The following RANBP10 variants were observed in gnomAD, a reference collection of about 807,000 sequenced individuals.
The protein encoded by RANBP10 is ran-binding protein 10.
A neutral mutation model predicts 72.8 loss-of-function variants in RANBP10; 24 were observed. The ratio of observed to expected loss-of-function variants is 0.33; its 90% CI spans 0.24 to 0.46. The LOEUF (loss-of-function observed/expected upper bound fraction) is 0.46, where lower values mean the gene tolerates loss of function less well. Among genes scored for constraint, RANBP10 ranks in the 20% least tolerant of loss-of-function variants. RANBP10 has a pLI of 1.00. For missense variants in RANBP10, 679 were observed against 817.5 expected, an observed-to-expected ratio of 0.83 and a Z score of 2.07; for synonymous variants, 310 against 322.3, an observed-to-expected ratio of 0.96 and a Z score of 0.41.
chr16:67,802,690 C>T (rs1197920884), intron 2 of RANBP10, among the ~76,000 whole-genome samples: 1 of 152,148 alleles, frequency 6.6e-6, no homozygotes, highest in African/African-American at 2.4e-5. Flanking sequence ...GCTCAACAGC[C>T]ATGTTTACCA....
rs780987677 is a variant in RANBP10 at position 67,730,079 on chromosome 16, G to C, written c.890-33C>G. 1 of 1,592,774 alleles carries C rather than the reference G, an allele frequency of 6.3e-7. No homozygotes were observed. Among genetic ancestry groups the C allele is most frequent in the South Asian group, 1.1e-5 (1 of 90,712 alleles). ...GTGCAAGAACACAGCAGTGAGCGAG[G>C]GCTACAGGCCTCTCCCACAGCCACA... On this transcript the variant is annotated intron_variant, in intron 7 of 13. Transcript: ENST00000317506. The surrounding 1 kb of genome is among the most constrained non-coding windows in gnomAD (Gnocchi z 4.3).
Position 67,727,731 on chromosome 16 carries a change from AGGCCC to A in RANBP10, c.1620+15_1620+19del, listed in dbSNP as rs1567669841. ...CACCAAATGGGGCCTGCTCTGCATG[AGGCCC>A]GGCTCATCCTGTACCTGCAGCATCT... On this transcript the variant is annotated intron_variant, in intron 12 of 13. Transcript: ENST00000317506. 2.4e-5 allele frequency: 39 copies of A among 1,614,018 alleles called. No homozygotes were observed. Among genetic ancestry groups the A allele is most frequent in the Non-Finnish European group, 3.3e-5 (39 of 1,180,004 alleles).
At chr16:67,778,586 T>C (rs561924811) in intron 2 of RANBP10, among the ~76,000 whole-genome samples, 36 of 152,252 alleles carry the variant, frequency 2.4e-4, no homozygotes, top group Non-Finnish European at 5.0e-4. Flanking sequence ...AATGGTGATG[T>C]GCACCTGTAG....
chr16:67,784,088 T>C (rs1330212527), intron 2 of RANBP10, among the ~76,000 whole-genome samples: 2 of 148,022 alleles, frequency 1.4e-5, no homozygotes, highest in African/African-American at 5.0e-5. Flanking sequence ...AAGAAAGTTA[T>C]AGAGCAATAT....
intron 2 of RANBP10, among the ~76,000 whole-genome samples, chr16:67,785,646 TGAACCC>T: frequency 6.7e-6 from 1 of 149,342 alleles, no homozygotes; most frequent in South Asian, 2.1e-4. Context: ...GAGAATCACT[TGAACCC>T]GGGAGGCAAA....
At chr16:67,792,956 G>A (rs1194093591) in intron 2 of RANBP10, among the ~76,000 whole-genome samples, 1 of 151,866 alleles carries the variant, frequency 6.6e-6, no homozygotes, top group Non-Finnish European at 1.5e-5. Context: ...GCCCCTATTG[G>A]TGGCCCTAGG....
intron 1 of RANBP10, among the ~76,000 whole-genome samples, chr16:67,805,807 T>G (rs553645346): frequency 1.2e-3 from 184 of 152,332 alleles, no homozygotes; most frequent in Non-Finnish European, 2.0e-3. Context: ...CAAGTGCTGC[T>G]GGCAGCCTCT....
At chr16:67,734,398 G>C (rs2053796692) in intron 6 of RANBP10, among the ~76,000 whole-genome samples, 1 of 152,220 alleles carries the variant, frequency 6.6e-6, no homozygotes, top group Non-Finnish European at 1.5e-5. Context: ...GCTGGTCCTA[G>C]GGAGAACTCC....
At position 67,749,979 on chromosome 16, in the gene RANBP10, C is replaced by G. The variant is rs116786296; in HGVS notation, c.401-5524G>C. ...AATAGCCCTCCTCCTACCCCTGCCC[C>G]TCATCCCTCAGATAGAGCACAGGGA... is the stretch of plus-strand genomic sequence containing the variant. On this transcript the variant is annotated intron_variant, in intron 3 of 13. Coordinates refer to ENST00000317506, the MANE Select transcript of RANBP10 (RefSeq NM_020850.3). Among the ~76,000 whole-genome samples, 425 of 152,352 alleles carry G rather than the reference C, an allele frequency of 2.8e-3. 4 individuals are homozygous for G. Among genetic ancestry groups the G allele is most frequent in the African/African-American group, 9.8e-3 (409 of 41,572 alleles).
At chr16:67,805,377 A>C in intron 2 of RANBP10, 51 bp downstream of exon 2, 3 of 1,527,914 alleles carry the variant, frequency 2.0e-6, no homozygotes, top group Non-Finnish European at 2.7e-6. Flanking sequence ...AACTCTGACC[A>C]CAGGGATCAG....
rs2055441393 is a variant in RANBP10 at position 67,806,382 on chromosome 16, G to A, written c.155C>T (p.Pro52Leu). ...CTTGGGGCTCCAGGAGCGCGGCAGC[G>A]GAGTCTCTTGCTGGTTGACCGCGGG... ...LYPAVNQQET[P>L]LPRSWSPKDK... The change falls in exon 1 of 14, where the codon CCG becomes CTG. Residue 52 changes from proline (P) to leucine (L), a missense_variant. Transcript: ENST00000317506. 1 of 1,612,126 alleles carries A rather than the reference G, an allele frequency of 6.2e-7. No homozygotes were observed. Among genetic ancestry groups the A allele is most frequent in the South Asian group, 1.1e-5 (1 of 90,786 alleles).
chr16:67,732,915 G>A (rs1054373154), intron 6 of RANBP10, among the ~76,000 whole-genome samples: 15 of 151,812 alleles, frequency 9.9e-5, no homozygotes, highest in East Asian at 1.9e-4. Flanking sequence ...ACGCCCGGGC[G>A]TAGTGGCGGG....
In RANBP10 at chr16:67,751,846, G is replaced by A. The variant is rs761273865; in HGVS notation, c.401-7391C>T. Among the ~76,000 whole-genome samples the A allele has an allele frequency of 3.8e-4, 58 of 151,938 alleles. 1 individual carries two copies. Among genetic ancestry groups the A allele is most frequent in the South Asian group, 2.1e-4 (1 of 4,830 alleles). On this transcript the variant is annotated intron_variant, in intron 3 of 13. Coordinates refer to ENST00000317506, the MANE Select transcript of RANBP10 (RefSeq NM_020850.3). ...CAGGAGAATCGCTTGAACCTGGGAG[G>A]TGGAGATTGCAGTGAGCTGAAATCG...
chr16:67,726,160 C>T lies in RANBP10; in HGVS notation c.*268G>A, dbSNP rs2053593649. ...CAACCCCTCCTCAAAACAAAACCCC[C>T]CTTTCAAAATAGAAGGCGCTACATG... On this transcript the variant is annotated 3_prime_UTR_variant, in exon 14 of 14. Transcript: ENST00000317506. The T allele has an allele frequency of 2.6e-6, 1 of 388,858 alleles. No homozygotes were observed. The highest frequency in any genetic ancestry group is 2.1e-5 in the African/African-American group (1 of 47,720). The allele number at this position is 388,858 out of a possible 1,614,324, so 24.1% of individuals were successfully genotyped here.
intron 2 of RANBP10, among the ~76,000 whole-genome samples, chr16:67,793,526 G>A (rs1050320551): frequency 5.9e-5 from 9 of 151,862 alleles, no homozygotes; most frequent in African/African-American, 1.7e-4. Context: ...TGGTCACGCT[G>A]GTCTCAAACT....
intron 2 of RANBP10, among the ~76,000 whole-genome samples, chr16:67,797,263 A>G (rs2055149941): frequency 6.6e-6 from 1 of 152,200 alleles, no homozygotes; most frequent in South Asian, 2.1e-4. Context: ...TCTAAAAGCT[A>G]ATCCTTGACC....
intron 5 of RANBP10, 134 bp downstream of exon 5, chr16:67,737,879 A>T: frequency 8.2e-7 from 1 of 1,224,104 alleles, no homozygotes; most frequent in African/African-American, 1.5e-5. Flanking sequence ...GGTACCCTCA[A>T]GCTGACAGCA....
At chr16:67,803,740 C>A (rs1027709846) in intron 2 of RANBP10, among the ~76,000 whole-genome samples, 1 of 149,078 alleles carries the variant, frequency 6.7e-6, no homozygotes, top group Non-Finnish European at 1.5e-5. Context: ...GAGGATAACT[C>A]GAGCCCAGAA....
chr16:67,750,924 G>A (rs564591293), intron 3 of RANBP10, among the ~76,000 whole-genome samples: 3 of 152,046 alleles, frequency 2.0e-5, no homozygotes, highest in African/African-American at 7.2e-5. Flanking sequence ...CCGCCACCAC[G>A]CCTGGCTAAT....
Sources: gnomAD v4.1 joint callset for allele counts (sites outside exome capture counted in the v4.1 genomes callset) on GRCh38, gnomAD v4.1.1 for gene constraint, Gnocchi (gnomAD v3.1) non-coding constraint, MANE v1.5 for transcripts, NCBI Gene and HGNC (gene_info 2026-07-23, HGNC 2026-07-21) for gene names.